KRT7: variants seen among roughly 807,000 people sequenced by gnomAD.
KRT7 encodes the protein keratin, type II cytoskeletal 7.
A neutral mutation model predicts 42.8 loss-of-function variants in KRT7; 50 were observed. The ratio of observed to expected loss-of-function variants is 1.17; its 90% CI spans 0.93 to 1.48. The LOEUF (loss-of-function observed/expected upper bound fraction) is 1.48. Ranked by LOEUF, KRT7 falls within the 40% of genes most tolerant of loss-of-function variation. KRT7 has a pLI of 0.00. For missense variants in KRT7, 588 were observed against 637.6 expected (o/e 0.92, Z 0.84); for synonymous variants, 268 against 266.3 (o/e 1.01, Z -0.06).
chr12:52,235,413 G>A, intron 2 of KRT7, 47 bp downstream of exon 2: 1 of 1,519,858 alleles, frequency 6.6e-7, no homozygotes. Context: ...CCGGGCCAAT[G>A]TGACCCTCAT....
chr12:52,254,068 T>C (rs1012882945), downstream of KRT7, among the ~76,000 whole-genome samples: 2 of 152,186 alleles, frequency 1.3e-5, no homozygotes, highest in African/African-American at 4.8e-5. Context: ...GTGGCAATTG[T>C]CACTTTAGTA....
downstream of KRT7, among the ~76,000 whole-genome samples, chr12:52,251,049 G>C (rs901530442): frequency 6.6e-6 from 1 of 152,110 alleles, no homozygotes; most frequent in African/African-American, 2.4e-5. Flanking sequence ...GCGCGATCTC[G>C]GCTCACTGCA....
chr12:52,248,537 G>A (rs1307289622), intron 8 of KRT7, 54 bp from the exon 9 acceptor site: 29 of 1,496,834 alleles, frequency 1.9e-5, no homozygotes, highest in African/African-American at 2.8e-5. Flanking sequence ...GAAGGGATGG[G>A]GTCCCTGGTA....
At position 52,248,497 on chromosome 12, in the gene KRT7, G is replaced by A. The variant is rs55779941; in HGVS notation, c.1241-94G>A. 3.2e-3 allele frequency: 4,150 copies of A among 1,299,848 alleles called. 109 individuals are homozygous for A. In the African/African-American group the frequency reaches 0.056, roughly 18 times the overall value. The allele number at this position is 1,299,848 out of a possible 1,614,324, so 80.5% of individuals were successfully genotyped here. ...GAGGGGGGCAGGGGTGAGGGAGAGG[G>A]GCAGCTGGGGCAGGAGGGTGGGGTG... On this transcript the variant is annotated intron_variant, in intron 8 of 8. Transcript: ENST00000331817.
At position 52,233,615 on chromosome 12, in the gene KRT7, G is replaced by A. The variant is rs532027303; in HGVS notation, c.319G>A (p.Asp107Asn). The change falls in exon 1 of 9, where the codon GAC becomes AAC. Residue 107 changes from aspartate (D) to asparagine (N), a missense_variant. Transcript: ENST00000331817. ...TLNNKFASFI[D>N]KVRFLEQQNK... is the part of the protein sequence containing the mutation. ...CAACAACAAGTTTGCCTCCTTCATC[G>A]ACAAGGTGAGCGGGACTGGACCTCG... 1 of 1,612,474 alleles carries A rather than the reference G, an allele frequency of 6.2e-7. No individual in the cohort carries two copies. Among genetic ancestry groups the A allele is most frequent in the African/African-American group, 1.3e-5 (1 of 74,978 alleles).
intron 2 of KRT7, 127 bp downstream of exon 2, chr12:52,235,493 AG>A: frequency 1.3e-6 from 1 of 750,434 alleles, no homozygotes; most frequent in East Asian, 2.7e-5. Context: ...TAACTCCCTG[AG>A]GGGCCAGTCT....
At chr12:52,238,473 A>G (rs1481399328) in intron 3 of KRT7, among the ~76,000 whole-genome samples, 1 of 152,172 alleles carries the variant, frequency 6.6e-6, no homozygotes, top group African/African-American at 2.4e-5. Context: ...CTGGGATACC[A>G]GTGCTGATGC....
chr12:52,235,461 A>G, intron 2 of KRT7, 95 bp downstream of exon 2: 1 of 1,055,024 alleles, frequency 9.5e-7, no homozygotes, highest in East Asian at 2.5e-5. Context: ...TTCAGGAATC[A>G]GCATGCAGCT....
chr12:52,244,107 T>C (rs1253497277), intron 6 of KRT7, among the ~76,000 whole-genome samples: 1 of 152,012 alleles, frequency 6.6e-6, no homozygotes. Flanking sequence ...GGCACACATG[T>C]GGAAGCTTCG....
At chr12:52,234,856 T>C (rs1210432125) in intron 1 of KRT7, among the ~76,000 whole-genome samples, 1 of 152,196 alleles carries the variant, frequency 6.6e-6, no homozygotes, top group Non-Finnish European at 1.5e-5. Context: ...GCTGTTCAGA[T>C]AGGGAGGTGG....
At chr12:52,248,035 C>T (rs188380715) in intron 7 of KRT7, 142 bp from the exon 8 acceptor site, 37 of 797,152 alleles carry the variant, frequency 4.6e-5, no homozygotes, top group Admixed American at 1.7e-4. Flanking sequence ...GCTCCTTTTA[C>T]AAGGCTGAAG....
At position 52,245,510 on chromosome 12, in the gene KRT7, G is replaced by A; in HGVS notation, c.1083G>A (p.Leu361=). 1 of 1,614,044 alleles carries A rather than the reference G, an allele frequency of 6.2e-7. No homozygotes were observed. The highest frequency in any genetic ancestry group is 2.2e-5 in the East Asian group (1 of 44,878). ...RAKQEELEAA[L]QRGKQDMARQ... ...AGCAGGAGGAGCTGGAAGCCGCCCT[G>A]CAGCGGGGCAAGCAGGATATGGCAC... is the stretch of plus-strand genomic sequence containing the variant. Residue 361 remains leucine (L), a synonymous_variant, in exon 7 of 9, where the codon CTG becomes CTA. Coordinates refer to ENST00000331817, the MANE Select transcript of KRT7 (RefSeq NM_005556.4).
chr12:52,250,574 C>A (rs1390432605), downstream of KRT7: 6 of 1,258,796 alleles, frequency 4.8e-6, no homozygotes, highest in Non-Finnish European at 6.7e-6. Context: ...AGACGCTGCC[C>A]GTCACCGGCC....
At chr12:52,241,985 T>G (rs1041690666) in intron 5 of KRT7, 3 of 153,548 alleles carry the variant, frequency 2.0e-5, no homozygotes, top group Non-Finnish European at 4.3e-5. Flanking sequence ...ATTTCTATTT[T>G]TTGAGATGGA....
downstream of KRT7, chr12:52,252,026 C>T (rs938582218): frequency 1.4e-6 from 1 of 704,720 alleles, no homozygotes; most frequent in Non-Finnish European, 2.5e-6. Context: ...GGATTACTTA[C>T]AGACATTTAC....
chr12:52,247,814 T>A lies in KRT7; in HGVS notation c.1206-363T>A, dbSNP rs1370235530. 8 of 284,126 alleles carry A rather than the reference T, an allele frequency of 2.8e-5. No individual in the cohort carries two copies. In the East Asian group the frequency reaches 6.1e-4, roughly 22 times the overall value. The allele number at this position is 284,126 out of a possible 1,614,324, so 17.6% of individuals were successfully genotyped here. On this transcript the variant is annotated intron_variant, in intron 7 of 8. Coordinates refer to ENST00000331817, the MANE Select transcript of KRT7 (RefSeq NM_005556.4). ...CGGTGAGGAAAGGCAGCCATCTACA[T>A]AAATAACACATACAGCTACCATTCA...
At chr12:52,245,322 T>G (rs1168098257) in intron 6 of KRT7, 90 bp from the exon 7 acceptor site, 1 of 1,348,368 alleles carries the variant, frequency 7.4e-7, no homozygotes, top group Non-Finnish European at 1.0e-6. Flanking sequence ...GAAGCCACCT[T>G]AAGCAAGTTG....
At chr12:52,250,924 A>G (rs928599983), downstream of KRT7, among the ~76,000 whole-genome samples, 8 of 152,226 alleles carry the variant, frequency 5.3e-5, no homozygotes, top group South Asian at 1.2e-3. Context: ...GCAAACCTAC[A>G]TGTTGTAGCC....
chr12:52,252,964 C>T (rs184673290), downstream of KRT7, among the ~76,000 whole-genome samples: 6 of 152,336 alleles, frequency 3.9e-5, no homozygotes, highest in Non-Finnish European at 5.9e-5. Context: ...GCCCAGGTTT[C>T]CTGCCCCTTA....
Sources: allele counts gnomAD v4.1 joint callset (sites outside exome capture counted in the v4.1 genomes callset), GRCh38; gene constraint gnomAD v4.1.1; transcripts MANE v1.5; gene names NCBI Gene and HGNC (gene_info 2026-07-23, HGNC 2026-07-21).